The following FER1L6 variants were observed in gnomAD, a reference collection of about 807,000 sequenced individuals.
FER1L6 encodes the protein fer-1-like protein 6.
A neutral mutation model predicts 219.2 loss-of-function variants in FER1L6; 177 were observed. The observed-to-expected ratio is 0.81, with a 90% confidence interval of 0.71 to 0.91. The LOEUF (loss-of-function observed/expected upper bound fraction) is 0.91. Ranked by LOEUF, FER1L6 falls within the 40% of genes least tolerant of loss-of-function variation. The probability of loss-of-function intolerance (pLI) is 0.00; values close to 1 mark genes in which losing one functional copy is unlikely to be tolerated. For missense variants in FER1L6, 2,153 were observed against 2,259.9 expected (o/e 0.95, Z 0.96); for synonymous variants, 768 against 824.3 (o/e 0.93, Z 1.17).
chr8:124,041,284 T>G (rs568250540), intron 20 of FER1L6, among the ~76,000 whole-genome samples: 1 of 152,364 alleles, frequency 6.6e-6, no homozygotes, highest in Admixed American at 6.5e-5. Flanking sequence ...GGGACTGTCA[T>G]GAAGAAGCAG....
In FER1L6 at chr8:124,049,651, G is replaced by A; in HGVS notation, c.2769G>A (p.Val923=). ...GTGCCACAGTGGCTGCTCCTGTTGT[G>A]AAGCTGGCTGACCAGGACTATGAGC... ...YLGATVAAPV[V]KLADQDYEPP... The change falls in exon 22 of 41, where the codon GTG becomes GTA. Residue 923 remains valine, a synonymous_variant. Transcript: ENST00000522917. 6.8e-6 allele frequency: 11 copies of A among 1,614,026 alleles called. No homozygotes were observed. Among genetic ancestry groups the A allele is most frequent in the Non-Finnish European group, 9.3e-6 (11 of 1,179,996 alleles).
chr8:124,115,250 C>T (rs1270150186), intron 39 of FER1L6, among the ~76,000 whole-genome samples: 1 of 151,144 alleles, frequency 6.6e-6, no homozygotes, highest in Non-Finnish European at 1.5e-5. Flanking sequence ...TTTTAAATTA[C>T]ATTTAGAGGA....
At chr8:124,119,424 C>T (rs558890071) in intron 40 of FER1L6, among the ~76,000 whole-genome samples, 183 bp from the exon 41 acceptor site, 34 of 152,268 alleles carry the variant, frequency 2.2e-4, no homozygotes, top group Middle Eastern at 3.4e-3. Flanking sequence ...AACCATGATA[C>T]AGGAATCCTC....
chr8:124,040,886 T>C (rs1819458296), intron 20 of FER1L6: 1 of 152,212 alleles, frequency 6.6e-6, no homozygotes, highest in African/African-American at 2.4e-5. Flanking sequence ...GTCCCGCCTC[T>C]CAATACTGTG....
chr8:124,039,887 C>T lies in FER1L6; in HGVS notation c.2470C>T (p.His824Tyr). 1 of 1,614,100 alleles carries T rather than the reference C, an allele frequency of 6.2e-7. No individual in the cohort carries two copies. The highest frequency in any genetic ancestry group is 8.5e-7 in the Non-Finnish European group (1 of 1,179,958). Residue 824 changes from histidine to tyrosine, a missense_variant, in exon 20 of 41, where the codon CAT becomes TAT. His to Tyr is a moderately conservative substitution (Grantham distance 83). Transcript: ENST00000522917. Reference sequence around the variant, plus strand: ...CTTCCATGATTTGTCCACAGAACAGCATGTTTTTCAGCTGAGGGCTCACAT... The same window carrying T: ...CTTCCATGATTTGTCCACAGAACAGTATGTTTTTCAGCTGAGGGCTCACAT... ...PPSNLLYQEQ[H>Y]VFQLRAHMYQ...
intron 1 of FER1L6, among the ~76,000 whole-genome samples, chr8:123,906,874 C>A (rs2129753897): frequency 6.6e-6 from 1 of 151,792 alleles, no homozygotes; most frequent in Non-Finnish European, 1.5e-5. Context: ...AAAGAAAGAC[C>A]AACTGAGATG....
At chr8:123,933,484 A>G (rs1460524576) in intron 1 of FER1L6, among the ~76,000 whole-genome samples, 1 of 152,088 alleles carries the variant, frequency 6.6e-6, no homozygotes, top group Non-Finnish European at 1.5e-5. Flanking sequence ...TGCATAACTC[A>G]GTGTCTGGCA....
chr8:124,029,536 T>C (rs1818868109), intron 18 of FER1L6, among the ~76,000 whole-genome samples: 1 of 152,226 alleles, frequency 6.6e-6, no homozygotes, highest in African/African-American at 2.4e-5. Flanking sequence ...TGTTGAGTTT[T>C]TTCATGTTTG....
intron 1 of FER1L6, among the ~76,000 whole-genome samples, chr8:123,871,915 A>G (rs1394917489): frequency 6.6e-6 from 1 of 152,122 alleles, no homozygotes; most frequent in Admixed American, 6.5e-5. Context: ...ACCCTCTGAA[A>G]CCTATATGTA....
In FER1L6 at chr8:124,067,904, T is replaced by A. The variant is rs1820893878; in HGVS notation, c.3718+98T>A. On this transcript the variant is annotated intron_variant, in intron 28 of 40. Transcript: ENST00000522917. ...CACGGGAGGTGTATTAGAGCTCAAC[T>A]CCCTCCTTTCCCGAGTTTAGAAACA... The A allele has an allele frequency of 1.0e-5, 9 of 878,832 alleles. No homozygotes were observed. The East Asian group carries it at 2.3e-4, about 23-fold the overall frequency. 54.4% of individuals were successfully genotyped at this position (878,832 alleles called of 1,614,324 possible).
chr8:123,884,982 G>A (rs1376760367), intron 1 of FER1L6, among the ~76,000 whole-genome samples: 1 of 152,114 alleles, frequency 6.6e-6, no homozygotes, highest in Non-Finnish European at 1.5e-5. Context: ...TCCAACTAGA[G>A]TGTCCTTAAA....
At chr8:123,879,902 A>G (rs1458315890) in intron 1 of FER1L6, among the ~76,000 whole-genome samples, 1 of 152,128 alleles carries the variant, frequency 6.6e-6, no homozygotes, top group Non-Finnish European at 1.5e-5. Context: ...ATGCTGCCTT[A>G]TTACCATGGG....
chr8:124,049,505 T>C (rs1257571516), intron 21 of FER1L6, 102 bp from the exon 22 acceptor site: 9 of 1,295,782 alleles, frequency 6.9e-6, no homozygotes, highest in African/African-American at 4.4e-5. Context: ...TGGAAGCTGA[T>C]GGTTTTGTGG....
chr8:123,865,524 A>G (rs1465069351), intron 1 of FER1L6, among the ~76,000 whole-genome samples: 12 of 151,434 alleles, frequency 7.9e-5, no homozygotes, highest in Non-Finnish European at 1.5e-4. Context: ...TTGAGCTTCC[A>G]GGCTGCTTTG....
intron 22 of FER1L6, among the ~76,000 whole-genome samples, chr8:124,058,613 A>G (rs1820417259): frequency 6.6e-6 from 1 of 152,194 alleles, no homozygotes; most frequent in African/African-American, 2.4e-5. Flanking sequence ...TTCTTTGGCC[A>G]TTTCCCAAGA....
Position 124,089,050 on chromosome 8 carries a change from G to A in FER1L6, c.4392-2373G>A, listed in dbSNP as rs150215770. On this transcript the variant is annotated intron_variant, in intron 33 of 40. Transcript: ENST00000522917. ...CCCAAGTCCACTGGCTCCGAGCTCA[G>A]CATAGCAGTAGGATTTGCACAGGAA... Among the ~76,000 whole-genome samples, 957 of 152,282 alleles carry A rather than the reference G, an allele frequency of 6.3e-3. 12 individuals are homozygous for A. The highest frequency in any genetic ancestry group is 0.027 in the Middle Eastern group (8 of 294).
intron 1 of FER1L6, among the ~76,000 whole-genome samples, chr8:123,876,227 C>A (rs1586434060): frequency 6.6e-6 from 1 of 152,282 alleles, no homozygotes; most frequent in South Asian, 2.1e-4. Context: ...TTCTCAGGGC[C>A]TTGCACTGGC....
At chr8:123,942,598 GTTCC>G (rs1814284232) in intron 1 of FER1L6, among the ~76,000 whole-genome samples, 1 of 152,196 alleles carries the variant, frequency 6.6e-6, no homozygotes, top group South Asian at 2.1e-4. Flanking sequence ...TGGCTCCTTT[GTTCC>G]TTGTCTTGTG....
In FER1L6 at chr8:123,975,939, G is replaced by A. The variant is rs772687871; in HGVS notation, c.725G>A (p.Trp242Ter). The change falls in exon 9 of 41, where the codon TGG becomes TAG. Residue 242 changes from tryptophan to a stop codon, truncating the protein, a stop_gained. Transcript: ENST00000522917. LOFTEE classifies it high-confidence loss of function. ...IPNGFPLERPWARFYVRLYKA... is the reference protein window; with the variant it reads ...IPNGFPLERP ...AATGGGTTTCCACTGGAGAGACCGT[G>A]GGCCAGATTCTATGTGAGACTCTAC... The A allele has an allele frequency of 3.1e-6, 5 of 1,613,336 alleles. No individual in the cohort carries two copies. The Admixed American group carries it at 5.0e-5, about 16-fold the overall frequency.
Sources: gnomAD v4.1 joint callset for allele counts (sites outside exome capture counted in the v4.1 genomes callset) on GRCh38, gnomAD v4.1.1 for gene constraint, MANE v1.5 for transcripts, NCBI Gene and HGNC (gene_info 2026-07-23, HGNC 2026-07-21) for gene names.